The following NRG1 variants were observed in gnomAD, a reference collection of about 807,000 sequenced individuals.
NRG1 encodes neuregulin 1.
NRG1 carries 18 observed loss-of-function variants against 63.8 expected under a neutral mutation model. That is an observed-to-expected ratio of 0.28 (90% CI 0.19 to 0.42). NRG1 has a LOEUF of 0.42. Among genes scored for constraint, NRG1 ranks in the 10% least tolerant of loss-of-function variants. The probability of loss-of-function intolerance (pLI) is 1.00; values close to 1 mark genes in which losing one functional copy is unlikely to be tolerated. For synonymous variants in NRG1, 302 were observed against 301.3 expected (o/e 1.00, Z -0.02); for missense variants, 762 against 814.7 (o/e 0.94, Z 0.79).
intron 2 of NRG1, among the ~76,000 whole-genome samples, chr8:32,600,954 T>C (rs1326183847): frequency 6.6e-6 from 1 of 152,154 alleles, no homozygotes; most frequent in Admixed American, 6.6e-5. Flanking sequence ...GAGTATGGTA[T>C]CTTACAGAAA....
At chr8:31,717,921 T>A (rs1312369060) in intron 1 of NRG1, among the ~76,000 whole-genome samples, 3 of 152,232 alleles carry the variant, frequency 2.0e-5, no homozygotes, top group Non-Finnish European at 1.5e-5. Context: ...CCATGGTTAC[T>A]GTGTTAATGC....
At chr8:32,274,504 T>C (rs1290111758) in intron 1 of NRG1, among the ~76,000 whole-genome samples, 2 of 152,230 alleles carry the variant, frequency 1.3e-5, no homozygotes, top group Admixed American at 1.3e-4. Flanking sequence ...AATCCCTTTT[T>C]TGCTTCTTCA....
chr8:32,668,217 A>G (rs2128888962), intron 5 of NRG1, among the ~76,000 whole-genome samples: 1 of 152,214 alleles, frequency 6.6e-6, no homozygotes, highest in Admixed American at 6.5e-5. Flanking sequence ...CATCTCAAAA[A>G]AAAAAAAAAG....
At chr8:32,584,341 G>T (rs1841243441) in intron 1 of NRG1, among the ~76,000 whole-genome samples, 1 of 152,144 alleles carries the variant, frequency 6.6e-6, no homozygotes, top group African/African-American at 2.4e-5. Flanking sequence ...TTCCTGTGGG[G>T]TAGAAGTAAA....
At chr8:32,623,234 G>A (rs1294683714) in intron 5 of NRG1, among the ~76,000 whole-genome samples, 1 of 152,154 alleles carries the variant, frequency 6.6e-6, no homozygotes, top group African/African-American at 2.4e-5. Flanking sequence ...CCAGATCTGG[G>A]TGGTCCATTG....
chr8:32,574,356 C>G (rs1839214410), intron 1 of NRG1, among the ~76,000 whole-genome samples: 1 of 152,046 alleles, frequency 6.6e-6, no homozygotes, highest in Admixed American at 6.6e-5. Flanking sequence ...ATAAACTTAC[C>G]CAAATATATA....
At chr8:32,548,486 G>A in exon 1 of NRG1, 3 of 1,198,802 alleles carry the variant, frequency 2.5e-6, no homozygotes, top group Non-Finnish European at 3.1e-6. Context: ...ACTTCCCGGG[G>A]CGACAGGAGC....
At chr8:31,692,372 G>C (rs1034786707) in intron 1 of NRG1, among the ~76,000 whole-genome samples, 1 of 152,072 alleles carries the variant, frequency 6.6e-6, no homozygotes, top group Admixed American at 6.6e-5. Flanking sequence ...AGGTGATTTG[G>C]AAATTGTATT....
intron 1 of NRG1, among the ~76,000 whole-genome samples, chr8:32,508,576 C>T (rs1419356919): frequency 6.6e-6 from 1 of 151,960 alleles, no homozygotes; most frequent in African/African-American, 2.4e-5. Context: ...GGATTACAGG[C>T]GTGAGCCACC....
At chr8:32,482,425 T>TGTGTGTGTGTGTGC (rs1554555725) in intron 1 of NRG1, among the ~76,000 whole-genome samples, 1 of 150,692 alleles carries the variant, frequency 6.6e-6, no homozygotes, top group Non-Finnish European at 1.5e-5. Flanking sequence ...TGTGTGTGTG[T>TGTGTGTGTGTGTGC]TCTCTGGTAT....
At chr8:31,983,085 G>T (rs1254569055) in intron 1 of NRG1, among the ~76,000 whole-genome samples, 1 of 152,024 alleles carries the variant, frequency 6.6e-6, no homozygotes, top group East Asian at 1.9e-4. Flanking sequence ...AGCCTAAAAT[G>T]GATATTAGAG....
intron 1 of NRG1, among the ~76,000 whole-genome samples, chr8:31,755,882 C>T (rs1317470766): frequency 6.6e-6 from 1 of 152,016 alleles, no homozygotes; most frequent in Non-Finnish European, 1.5e-5. Flanking sequence ...TTATTTGATG[C>T]TAGAAAAAGA....
intron 1 of NRG1, among the ~76,000 whole-genome samples, chr8:32,402,875 G>A (rs1813406276): frequency 6.6e-6 from 1 of 152,154 alleles, no homozygotes; most frequent in Non-Finnish European, 1.5e-5. Flanking sequence ...GGCATCCACT[G>A]GGTGTCATGG....
intron 1 of NRG1, among the ~76,000 whole-genome samples, chr8:32,571,632 C>G (rs992513623): frequency 1.3e-5 from 2 of 152,008 alleles, no homozygotes; most frequent in African/African-American, 4.8e-5. Context: ...TCCTTTTACT[C>G]ACATCTTTCT....
At chr8:32,109,948 A>G (rs1309120121) in intron 1 of NRG1, among the ~76,000 whole-genome samples, 6 of 152,128 alleles carry the variant, frequency 3.9e-5, no homozygotes, top group Middle Eastern at 3.2e-3. Flanking sequence ...TAGTTATGGC[A>G]CTTTAGGCAA....
intron 1 of NRG1, among the ~76,000 whole-genome samples, chr8:31,749,413 G>A (rs1490839499): frequency 6.6e-6 from 1 of 151,740 alleles, no homozygotes; most frequent in Non-Finnish European, 1.5e-5. Context: ...CAATCCCAGT[G>A]TCTTTAATTA....
chr8:32,357,590 A>G (rs1248494320), intron 1 of NRG1, among the ~76,000 whole-genome samples: 1 of 152,156 alleles, frequency 6.6e-6, no homozygotes, highest in Admixed American at 6.5e-5. Context: ...TGATTACGTA[A>G]TTGTGTGGCC....
chr8:32,198,689 G>A (rs1843202621), intron 1 of NRG1, among the ~76,000 whole-genome samples: 1 of 152,102 alleles, frequency 6.6e-6, no homozygotes, highest in Admixed American at 6.6e-5. Flanking sequence ...TTTACACCAA[G>A]TTTTTGAGGT....
intron 1 of NRG1, among the ~76,000 whole-genome samples, chr8:31,919,899 A>G (rs1833758285): frequency 6.6e-6 from 1 of 152,146 alleles, no homozygotes; most frequent in South Asian, 2.1e-4. Flanking sequence ...ATTTAATGTG[A>G]TTTGAAATTG....
Sources: allele counts gnomAD v4.1 joint callset (sites outside exome capture counted in the v4.1 genomes callset), GRCh38; gene constraint gnomAD v4.1.1; transcripts MANE v1.5; gene names NCBI Gene and HGNC (gene_info 2026-07-23, HGNC 2026-07-21).